NPLOC4: variants seen among roughly 807,000 people sequenced by gnomAD.
NPLOC4 encodes nuclear protein localization protein 4 homolog.
In NPLOC4, 18 loss-of-function variants were observed where a neutral mutation model predicts 80.6. The ratio of observed to expected loss-of-function variants is 0.22; its 90% CI spans 0.15 to 0.33. The LOEUF (loss-of-function observed/expected upper bound fraction) is 0.33, where lower values mean the gene tolerates loss of function less well. NPLOC4 is among the 10% of genes least tolerant of loss of function. The probability of loss-of-function intolerance (pLI) is 1.00; values close to 1 mark genes in which losing one functional copy is unlikely to be tolerated. For synonymous variants in NPLOC4, 313 were observed against 301.5 expected, an observed-to-expected ratio of 1.04 and a Z score of -0.39; for missense variants, 540 against 786.1, an observed-to-expected ratio of 0.69 and a Z score of 3.74.
intron 2 of NPLOC4, among the ~76,000 whole-genome samples, chr17:81,623,665 G>A (rs191159208): frequency 0.011 from 1,671 of 151,916 alleles, 10 homozygotes; most frequent in Admixed American, 0.017. Context: ...GGGCGTGGTG[G>A]TGGGCGCCTG....
At chr17:81,596,328 C>A in intron 10 of NPLOC4, 86 bp from the exon 11 acceptor site, 1 of 1,456,788 alleles carries the variant, frequency 6.9e-7, no homozygotes. Flanking sequence ...AAGAACTAAG[C>A]CAGGAGCAGT....
chr17:81,597,055 G>A (rs889889209), intron 10 of NPLOC4, among the ~76,000 whole-genome samples, 190 bp downstream of exon 10: 1 of 152,146 alleles, frequency 6.6e-6, no homozygotes, highest in Non-Finnish European at 1.5e-5. Flanking sequence ...ATTGCTAGCG[G>A]TGAGCAGAGA....
At chr17:81,616,487 T>G (rs566330234) in intron 3 of NPLOC4, among the ~76,000 whole-genome samples, 3 of 151,386 alleles carry the variant, frequency 2.0e-5, no homozygotes, top group Non-Finnish European at 1.5e-5. Flanking sequence ...TCCCAGCACG[T>G]TGGGAGGCCG....
chr17:81,625,576 G>C (rs1190144627), intron 2 of NPLOC4, among the ~76,000 whole-genome samples: 1 of 152,266 alleles, frequency 6.6e-6, no homozygotes, highest in African/African-American at 2.4e-5. Flanking sequence ...GGAGAGAGCA[G>C]AAGAGTCAAC....
At chr17:81,617,391 G>A (rs936016585) in intron 3 of NPLOC4, among the ~76,000 whole-genome samples, 2 of 152,178 alleles carry the variant, frequency 1.3e-5, no homozygotes, top group African/African-American at 2.4e-5. Context: ...AAAAAAGAGG[G>A]TGCCAGGTGT....
At chr17:81,585,134 C>CA (rs1197882424) in intron 12 of NPLOC4, among the ~76,000 whole-genome samples, 1 of 129,242 alleles carries the variant, frequency 7.7e-6, no homozygotes, top group Non-Finnish European at 1.6e-5. Flanking sequence ...CGCACCACTA[C>CA]ACTCCAGCCT....
intron 3 of NPLOC4, 139 bp from the exon 4 acceptor site, chr17:81,613,633 G>A: frequency 1.4e-6 from 1 of 711,022 alleles, no homozygotes; most frequent in South Asian, 2.0e-5. Flanking sequence ...TTTAAGATGA[G>A]AATTCTCTTC....
intron 14 of NPLOC4, among the ~76,000 whole-genome samples, chr17:81,568,558 T>C (rs1416143567): frequency 6.6e-6 from 1 of 152,120 alleles, no homozygotes; most frequent in East Asian, 1.9e-4. Context: ...AAATCGGACC[T>C]GGCCTGATCT....
intron 9 of NPLOC4, 39 bp from the exon 10 acceptor site, chr17:81,597,355 G>A: frequency 1.3e-6 from 2 of 1,509,940 alleles, no homozygotes; most frequent in Non-Finnish European, 1.8e-6. Flanking sequence ...ATCTCCTCAA[G>A]ATAGACGATG....
At chr17:81,620,404 G>A (rs1036015869) in intron 3 of NPLOC4, among the ~76,000 whole-genome samples, 40 of 152,222 alleles carry the variant, frequency 2.6e-4, no homozygotes, top group African/African-American at 9.4e-4. Flanking sequence ...GCTGAGGCAG[G>A]AGAAATGCTT....
At chr17:81,618,033 T>C (rs2035549519) in intron 3 of NPLOC4, among the ~76,000 whole-genome samples, 1 of 152,176 alleles carries the variant, frequency 6.6e-6, no homozygotes, top group African/African-American at 2.4e-5. Flanking sequence ...GCCGCCTGCC[T>C]TGGCCTCCCA....
chr17:81,625,355 G>A (rs1460466356), intron 2 of NPLOC4, among the ~76,000 whole-genome samples: 1 of 152,180 alleles, frequency 6.6e-6, no homozygotes, highest in Non-Finnish European at 1.5e-5. Flanking sequence ...CCGTCCAGCA[G>A]GCAGGTGGGC....
intron 12 of NPLOC4, among the ~76,000 whole-genome samples, chr17:81,582,021 G>T (rs368163496): frequency 8.5e-5 from 13 of 152,154 alleles, no homozygotes. Context: ...GTGTCAGAGA[G>T]GGAACATGAG....
intron 12 of NPLOC4, chr17:81,573,605 A>T (rs1331328577): frequency 1.3e-5 from 2 of 152,180 alleles, no homozygotes; most frequent in African/African-American, 2.4e-5. Flanking sequence ...AGTCTTAAAA[A>T]ATAATAAAAA....
In NPLOC4 at chr17:81,580,351, C is replaced by A. The variant is rs2034405858; in HGVS notation, c.1282-8263G>T. Among the ~76,000 whole-genome samples the A allele has an allele frequency of 6.6e-6, 1 of 152,222 alleles. No homozygotes were observed. The highest frequency in any genetic ancestry group is 2.4e-5 in the African/African-American group (1 of 41,464). On this transcript the variant is annotated intron_variant, in intron 12 of 16. Coordinates refer to ENST00000331134, the MANE Select transcript of NPLOC4 (RefSeq NM_017921.4). The surrounding 1 kb of genome is among the most constrained non-coding windows in gnomAD (Gnocchi z 4.4). The stretch of plus-strand genomic sequence containing the variant: ...CACCACACACTCAACCCCCTCACTA[C>A]TGCACAGCCATCTCTACTCTCTACC...
chr17:81,628,050 A>G (rs1224163919), intron 2 of NPLOC4, among the ~76,000 whole-genome samples: 3 of 150,626 alleles, frequency 2.0e-5, no homozygotes, highest in Admixed American at 2.0e-4. Context: ...GTCTCTACTA[A>G]AAATACAAAA....
chr17:81,607,516 G>A (rs1260203124), intron 6 of NPLOC4, among the ~76,000 whole-genome samples: 1 of 152,166 alleles, frequency 6.6e-6, no homozygotes, highest in Non-Finnish European at 1.5e-5. Context: ...CTGTGGAACG[G>A]CTAAATTGAG....
chr17:81,575,224 C>T (rs2034265097), intron 12 of NPLOC4, among the ~76,000 whole-genome samples: 1 of 152,100 alleles, frequency 6.6e-6, no homozygotes. Flanking sequence ...CTCAGCCTCC[C>T]GAGTAGCTGG....
At chr17:81,621,690 C>T (rs994359384) in intron 3 of NPLOC4, among the ~76,000 whole-genome samples, 9 of 152,184 alleles carry the variant, frequency 5.9e-5, no homozygotes, top group African/African-American at 2.2e-4. Flanking sequence ...GTTCCAATAA[C>T]ACTTTACAAA....
Sources: gnomAD v4.1 joint callset for allele counts (sites outside exome capture counted in the v4.1 genomes callset) on GRCh38, gnomAD v4.1.1 for gene constraint, Gnocchi (gnomAD v3.1) non-coding constraint, MANE v1.5 for transcripts, NCBI Gene and HGNC (gene_info 2026-07-23, HGNC 2026-07-21) for gene names.